TCERG1L: variants seen among roughly 807,000 people sequenced by gnomAD.
The protein encoded by TCERG1L is transcription elongation regulator 1-like protein.
TCERG1L carries 37 observed loss-of-function variants against 56.3 expected under a neutral mutation model. The ratio of observed to expected loss-of-function variants is 0.66; its 90% confidence interval spans 0.51 to 0.87. The LOEUF (loss-of-function observed/expected upper bound fraction) is 0.87. Among genes scored for constraint, TCERG1L ranks in the 40% least tolerant of loss-of-function variants. The pLI, the probability that TCERG1L is intolerant of heterozygous loss-of-function variation, is 0.00. For synonymous variants in TCERG1L, 324 were observed against 326.3 expected, an observed-to-expected ratio of 0.99 and a Z score of 0.08; for missense variants, 799 against 774.2, an observed-to-expected ratio of 1.03 and a Z score of -0.38.
At chr10:131,246,410 T>G (rs12413845) in intron 4 of TCERG1L, among the ~76,000 whole-genome samples, 1 of 151,838 alleles carries the variant, frequency 6.6e-6, no homozygotes, top group African/African-American at 2.4e-5. Context: ...GGTCTGCTGG[T>G]CAGGCCAGGG....
chr10:131,274,589 G>T (rs529424141), intron 3 of TCERG1L, among the ~76,000 whole-genome samples: 19 of 152,192 alleles, frequency 1.2e-4, no homozygotes, highest in African/African-American at 4.6e-4. Flanking sequence ...CGGTTGTTTC[G>T]TTAAAACCCC....
chr10:131,249,122 A>G (rs61410289), intron 4 of TCERG1L, among the ~76,000 whole-genome samples: 29,066 of 152,252 alleles, frequency 0.19, 2,940 homozygotes, highest in East Asian at 0.23. Flanking sequence ...GGGACTCAGC[A>G]AAAGTGGGGC....
At chr10:131,188,856 A>G (rs1845275914) in intron 4 of TCERG1L, among the ~76,000 whole-genome samples, 1 of 152,212 alleles carries the variant, frequency 6.6e-6, no homozygotes, top group Non-Finnish European at 1.5e-5. Flanking sequence ...AAAGTAATAA[A>G]TGTCACCACT....
At chr10:131,299,276 G>A (rs1052428631) in intron 3 of TCERG1L, among the ~76,000 whole-genome samples, 1 of 151,972 alleles carries the variant, frequency 6.6e-6, no homozygotes, top group East Asian at 1.9e-4. Context: ...GCAAACTTCT[G>A]TCTATTCATT....
rs1845294225 is a variant in TCERG1L at position 131,190,847 on chromosome 10, A to C, written c.857-23962T>G. Among the ~76,000 whole-genome samples, 2 of 144,122 alleles carry C rather than the reference A, an allele frequency of 1.4e-5. 1 individual carries two copies. The highest frequency in any genetic ancestry group is 3.1e-5 in the Non-Finnish European group (2 of 65,352). The allele number at this position is 144,122 out of a possible 152,430, so 94.5% of individuals were successfully genotyped here. A position where few individuals can be genotyped will look rare whatever the true frequency, so the allele number is the denominator to read the frequency against. ...TAGTTTTGCCACTCTTATTCAACAA[A>C]GTTCCGGAAGTACTAACCAGAGAAA... On this transcript the variant is annotated intron_variant, in intron 4 of 11. Transcript: ENST00000368642.
At chr10:131,112,205 C>T (rs955523785) in intron 9 of TCERG1L, among the ~76,000 whole-genome samples, 2 of 142,762 alleles carry the variant, frequency 1.4e-5, no homozygotes, top group African/African-American at 2.5e-5. Flanking sequence ...CTTCCAGGGC[C>T]GGGGGCTGAA....
intron 4 of TCERG1L, among the ~76,000 whole-genome samples, chr10:131,246,903 C>T (rs969393771): frequency 2.6e-5 from 4 of 152,138 alleles, no homozygotes; most frequent in Admixed American, 6.5e-5. Context: ...AAATAGCAGG[C>T]GCCCTCTCGC....
chr10:131,094,699 T>C (rs769500843), intron 11 of TCERG1L, among the ~76,000 whole-genome samples: 3 of 151,866 alleles, frequency 2.0e-5, no homozygotes, highest in Non-Finnish European at 2.9e-5. Context: ...CCTCCCTCCT[T>C]TTCTCCCGGT....
chr10:131,131,060 C>T (rs182178650), intron 8 of TCERG1L, among the ~76,000 whole-genome samples: 28 of 152,310 alleles, frequency 1.8e-4, no homozygotes, highest in African/African-American at 5.8e-4. Flanking sequence ...ATTTCACAAG[C>T]CCTGGGCCAC....
chr10:131,134,502 C>A, intron 7 of TCERG1L, 54 bp from the exon 8 acceptor site: 1 of 1,412,548 alleles, frequency 7.1e-7, no homozygotes, highest in Non-Finnish European at 9.8e-7. Context: ...AGGGCTTTGG[C>A]AAAACCACCA....
At chr10:131,112,233 T>C (rs1176758514) in intron 9 of TCERG1L, among the ~76,000 whole-genome samples, 2 of 142,772 alleles carry the variant, frequency 1.4e-5, no homozygotes, top group Admixed American at 6.9e-5. Flanking sequence ...GCCACGCCCC[T>C]GTCCCCGAGC....
chr10:131,122,378 C>T (rs1239799799), intron 8 of TCERG1L, among the ~76,000 whole-genome samples: 1 of 152,208 alleles, frequency 6.6e-6, no homozygotes, highest in Non-Finnish European at 1.5e-5. Flanking sequence ...GGCCCACCCA[C>T]CACCTGACAT....
chr10:131,121,736 G>A (rs942987545), intron 8 of TCERG1L, among the ~76,000 whole-genome samples: 3 of 151,864 alleles, frequency 2.0e-5, no homozygotes, highest in South Asian at 2.1e-4. Context: ...CCTGCCTCCC[G>A]TATAGTCTTG....
intron 4 of TCERG1L, among the ~76,000 whole-genome samples, chr10:131,249,948 C>T (rs1205066274): frequency 6.6e-6 from 1 of 152,222 alleles, no homozygotes; most frequent in Non-Finnish European, 1.5e-5. Context: ...AGCTCTGCTC[C>T]CAGAAAGGAG....
At chr10:131,278,982 C>T (rs1330686081) in intron 3 of TCERG1L, among the ~76,000 whole-genome samples, 4 of 152,194 alleles carry the variant, frequency 2.6e-5, no homozygotes, top group Non-Finnish European at 5.9e-5. Context: ...CCAATCACAT[C>T]TGTTTGAGAA....
intron 11 of TCERG1L, among the ~76,000 whole-genome samples, chr10:131,096,491 T>C (rs895142358): frequency 6.6e-6 from 1 of 152,252 alleles, no homozygotes; most frequent in African/African-American, 2.4e-5. Flanking sequence ...AGAGAAGTTT[T>C]ATGAGGATTG....
chr10:131,217,824 C>T (rs1161872636), intron 4 of TCERG1L, among the ~76,000 whole-genome samples: 1 of 150,258 alleles, frequency 6.7e-6, no homozygotes. Context: ...CAGGTTCACA[C>T]CATTCTCCTG....
chr10:131,197,195 TG>T (rs1845375406), intron 4 of TCERG1L, among the ~76,000 whole-genome samples: 1 of 151,386 alleles, frequency 6.6e-6, no homozygotes. Context: ...ATTTTTTTTT[TG>T]AGATGGAGTC....
chr10:131,209,637 C>T (rs1373160588), intron 4 of TCERG1L, among the ~76,000 whole-genome samples: 1 of 152,146 alleles, frequency 6.6e-6, no homozygotes, highest in Non-Finnish European at 1.5e-5. Context: ...TCTGAATAAC[C>T]ACTTTAATTC....
Sources: gnomAD v4.1 joint callset for allele counts (sites outside exome capture counted in the v4.1 genomes callset) on GRCh38, gnomAD v4.1.1 for gene constraint, MANE v1.5 for transcripts, NCBI Gene and HGNC (gene_info 2026-07-23, HGNC 2026-07-21) for gene names.